The following KAZN variants were observed in gnomAD, a reference collection of about 807,000 sequenced individuals.
The protein encoded by KAZN is kazrin, periplakin interacting protein, also known as kazrin.
In KAZN, 40 loss-of-function variants were observed where a neutral mutation model predicts 87.4. The ratio of observed to expected loss-of-function variants is 0.46; its 90% CI spans 0.36 to 0.60. KAZN has a LOEUF of 0.60. KAZN is among the 20% of genes least tolerant of loss of function. KAZN has a pLI of 0.00. For missense variants in KAZN, 898 were observed against 1,073.9 expected, an observed-to-expected ratio of 0.84 and a Z score of 2.29; for synonymous variants, 466 against 458.3, an observed-to-expected ratio of 1.02 and a Z score of -0.22.
At chr1:14,347,696 A>T (rs1317069133) in intron 2 of KAZN, among the ~76,000 whole-genome samples, 6 of 152,018 alleles carry the variant, frequency 3.9e-5, no homozygotes, top group South Asian at 4.1e-4. Flanking sequence ...TTATATATAC[A>T]TTATATGTTG....
At chr1:14,245,759 A>G (rs572096084) in intron 2 of KAZN, among the ~76,000 whole-genome samples, 5 of 152,244 alleles carry the variant, frequency 3.3e-5, no homozygotes, top group South Asian at 2.1e-4. Flanking sequence ...CACTGTTTTT[A>G]TTCATTGCTA....
intron 8 of KAZN, among the ~76,000 whole-genome samples, chr1:15,069,566 G>A (rs1180931540): frequency 2.0e-5 from 3 of 152,368 alleles, no homozygotes; most frequent in South Asian, 4.1e-4. Flanking sequence ...GTTGGAGCTT[G>A]CAGTGAGCCG....
At position 14,180,683 on chromosome 1, in the gene KAZN, A is replaced by T. The variant is rs1646178763; in HGVS notation, c.249+91A>T. 4.3e-6 allele frequency: 4 copies of T among 921,346 alleles called. No individual in the cohort carries two copies. In the East Asian group the frequency reaches 1.1e-4, roughly 25 times the overall value. 57.1% of individuals were successfully genotyped at this position (921,346 alleles called of 1,614,324 possible). The stretch of plus-strand genomic sequence containing the variant: ...CTGTCCAAAAATGTTCAACTACCAC[A>T]CCTATTGAAACCTGTTTTTCTGATA... On this transcript the variant is annotated intron_variant, in intron 2 of 16. Coordinates refer to the KAZN transcript ENST00000636203.
At chr1:13,951,805 C>T (rs911072997) in intron 1 of KAZN, among the ~76,000 whole-genome samples, 2 of 152,112 alleles carry the variant, frequency 1.3e-5, no homozygotes, top group African/African-American at 2.4e-5. Flanking sequence ...GGATTCCCAC[C>T]CCCTTACCAC....
intron 4 of KAZN, among the ~76,000 whole-genome samples, chr1:15,054,763 TA>T (rs1674773404): frequency 2.0e-5 from 3 of 152,188 alleles, no homozygotes. Context: ...AAACCCCAGA[TA>T]TTCTAAGGGG....
At chr1:14,250,301 C>G (rs1649902067) in intron 2 of KAZN, among the ~76,000 whole-genome samples, 1 of 151,950 alleles carries the variant, frequency 6.6e-6, no homozygotes, top group Admixed American at 6.6e-5. Flanking sequence ...CCCCCAAGCT[C>G]TATAAATACA....
At chr1:14,182,572 C>G (rs1170241639) in intron 2 of KAZN, among the ~76,000 whole-genome samples, 2 of 152,160 alleles carry the variant, frequency 1.3e-5, no homozygotes, top group Non-Finnish European at 2.9e-5. Flanking sequence ...CTGTATCCTG[C>G]TAGTGTCTCA....
intron 1 of KAZN, among the ~76,000 whole-genome samples, chr1:14,157,639 G>C (rs1002987337): frequency 2.0e-5 from 3 of 152,200 alleles, no homozygotes; most frequent in Middle Eastern, 6.8e-3. Context: ...CTTTTCTCTG[G>C]CTAATTTTAG....
intron 1 of KAZN, among the ~76,000 whole-genome samples, chr1:14,771,984 G>A (rs987272204): frequency 6.6e-6 from 1 of 152,194 alleles, no homozygotes; most frequent in Non-Finnish European, 1.5e-5. Context: ...TCTCTGGGCT[G>A]CAGGAGACTT....
At chr1:14,104,420 T>A (rs1031471746) in intron 1 of KAZN, among the ~76,000 whole-genome samples, 4 of 152,194 alleles carry the variant, frequency 2.6e-5, no homozygotes, top group African/African-American at 4.8e-5. Context: ...ATTTTTTTTT[T>A]AAAGGTTTCC....
intron 1 of KAZN, among the ~76,000 whole-genome samples, chr1:14,940,468 T>C (rs1237752734): frequency 6.6e-6 from 1 of 152,250 alleles, no homozygotes; most frequent in Non-Finnish European, 1.5e-5. Flanking sequence ...ACAGCCACCA[T>C]GGCACGGGGG....
chr1:14,287,589 A>G lies in KAZN; in HGVS notation c.249+106997A>G, dbSNP rs139365761. Among the ~76,000 whole-genome samples, 253 of 152,284 alleles carry G rather than the reference A, an allele frequency of 1.7e-3. 7 individuals are homozygous for G. The East Asian group carries it at 0.044, about 27-fold the overall frequency. On this transcript the variant is annotated intron_variant, in intron 2 of 16. Coordinates refer to the KAZN transcript ENST00000636203. ...CTTAAGGAGATTTTGGGCTGAGACA[A>G]TGGGATTTTCTAAATATACAATCAT... is the stretch of plus-strand genomic sequence containing the variant.
At chr1:14,484,080 T>A (rs1462982003) in intron 2 of KAZN, among the ~76,000 whole-genome samples, 2 of 152,210 alleles carry the variant, frequency 1.3e-5, no homozygotes, top group African/African-American at 4.8e-5. Flanking sequence ...CATAGATGCA[T>A]GGATTTATTT....
At chr1:14,805,795 TA>T (rs1646196331) in intron 1 of KAZN, among the ~76,000 whole-genome samples, 1 of 108,494 alleles carries the variant, frequency 9.2e-6, no homozygotes, top group African/African-American at 4.5e-5. Flanking sequence ...ATAATAATAA[TA>T]ATAATAATAA....
chr1:15,056,632 A>T lies in KAZN; in HGVS notation c.916+352A>T, dbSNP rs543603301. Among the ~76,000 whole-genome samples, 1 of 152,206 alleles carries T rather than the reference A, an allele frequency of 6.6e-6. No homozygotes were observed. The highest frequency in any genetic ancestry group is 1.5e-5 in the Non-Finnish European group (1 of 68,024). On this transcript the variant is annotated intron_variant, in intron 5 of 14. Coordinates refer to ENST00000376030, the MANE Select transcript of KAZN (RefSeq NM_201628.3). This position sits in a 1 kb window ranked among gnomAD's most constrained non-coding sequence, Gnocchi z 5.4. ...GCTCAAGTCTTAAGAAAGAAAAACT[A>T]TCTCTTTCCCCCTGTGTCCATAGCA...
At chr1:14,482,539 G>A (rs1669138556) in intron 2 of KAZN, among the ~76,000 whole-genome samples, 1 of 152,148 alleles carries the variant, frequency 6.6e-6, no homozygotes, top group Non-Finnish European at 1.5e-5. Context: ...TCTCCTAATA[G>A]GTTATATGTG....
chr1:14,018,795 A>G (rs1013486472), intron 1 of KAZN, among the ~76,000 whole-genome samples: 2 of 152,162 alleles, frequency 1.3e-5, no homozygotes, highest in Non-Finnish European at 2.9e-5. Flanking sequence ...GACTTACACC[A>G]TGGTCCCCCT....
chr1:14,635,418 C>T (rs528053158), intron 1 of KAZN, among the ~76,000 whole-genome samples: 2 of 152,340 alleles, frequency 1.3e-5, no homozygotes, highest in South Asian at 2.1e-4. Context: ...TGTGACAGTG[C>T]ACGGGATAGT....
At chr1:14,596,437 G>A (rs1676519342), upstream of KAZN, among the ~76,000 whole-genome samples, 2 of 152,124 alleles carry the variant, frequency 1.3e-5, no homozygotes, top group Admixed American at 1.3e-4. Flanking sequence ...ATGACTTTTT[G>A]ATTGAGGTAA....
Sources: allele counts gnomAD v4.1 joint callset (sites outside exome capture counted in the v4.1 genomes callset), GRCh38; gene constraint gnomAD v4.1.1; non-coding constraint Gnocchi (gnomAD v3.1); transcripts MANE v1.5; gene names NCBI Gene and HGNC (gene_info 2026-07-23, HGNC 2026-07-21).